Variants in LNPEP observed in about 807,000 individuals in gnomAD.
The protein encoded by LNPEP is leucyl-cystinyl aminopeptidase.
In LNPEP, 64 loss-of-function variants were observed where a neutral mutation model predicts 120.6. The ratio of observed to expected loss-of-function variants is 0.53; its 90% CI spans 0.43 to 0.65. The LOEUF is 0.65. LNPEP is among the 30% of genes least tolerant of loss of function. The probability of loss-of-function intolerance (pLI) is 0.00; values close to 1 mark genes in which losing one functional copy is unlikely to be tolerated. For missense variants in LNPEP, 1,057 were observed against 1,200.0 expected (o/e 0.88, Z 1.76); for synonymous variants, 435 against 425.4 (o/e 1.02, Z -0.28).
intron 1 of LNPEP, chr5:96,937,890 A>G (rs749850807): frequency 7.9e-5 from 12 of 152,254 alleles, no homozygotes; most frequent in Non-Finnish European, 1.2e-4. Flanking sequence ...AAAAAGAAGC[A>G]ATGCTTCAAC....
chr5:97,033,878 T>C lies in LNPEP; in HGVS notation c.*5345T>C, dbSNP rs1292165940. 1.3e-5 allele frequency: 2 copies of C among 152,224 alleles called. No individual in the cohort carries two copies. The highest frequency in any genetic ancestry group is 2.9e-5 in the Non-Finnish European group (2 of 68,040). The allele number at this position is 152,224 out of a possible 1,614,324, so 9.4% of individuals were successfully genotyped here. On this transcript the variant is annotated 3_prime_UTR_variant, in exon 18 of 18. Transcript: ENST00000231368. ...ATGGAGTTATGGATGTATAACAATC[T>C]GTTCTCCCTTTACCCTTTTAATGTA...
chr5:96,966,324 C>T (rs1789721475), intron 1 of LNPEP, among the ~76,000 whole-genome samples: 1 of 151,844 alleles, frequency 6.6e-6, no homozygotes, highest in South Asian at 2.1e-4. Flanking sequence ...TAGTGAGACC[C>T]TATCTCTACA....
Position 97,006,497 on chromosome 5 carries a change from T to C in LNPEP, c.2017T>C (p.Leu673=), listed in dbSNP as rs1171829030. Residue 673 remains leucine (L), a synonymous_variant, in exon 11 of 18, where the codon TTA becomes CTA. Coordinates refer to ENST00000231368, the MANE Select transcript of LNPEP (RefSeq NM_005575.3). ...RNYSKYQSVS[L]LDKKSGVINL... is the part of the protein sequence containing the mutation. ...TTATTCAAAATATCAATCGGTATCA[T>C]TACTGGATAAGAAATCAGGTTTGAC... 3 of 1,543,606 alleles carry C rather than the reference T, an allele frequency of 1.9e-6. No individual in the cohort carries two copies. The highest frequency in any genetic ancestry group is 1.8e-6 in the Non-Finnish European group (2 of 1,116,800).
Position 97,006,531 on chromosome 5 carries a change from C to G in LNPEP, c.2035+16C>G. ...AAGAAATCAGGTTTGACTATAATGA[C>G]AGTTCTGATTGGAAATGGCATAATT... On this transcript the variant is annotated intron_variant, in intron 11 of 17. Coordinates refer to ENST00000231368, the MANE Select transcript of LNPEP (RefSeq NM_005575.3). 1.6e-6 allele frequency: 2 copies of G among 1,286,696 alleles called. No homozygotes were observed. The highest frequency in any genetic ancestry group is 2.4e-5 in the South Asian group (2 of 82,870). 79.7% of individuals were successfully genotyped at this position (1,286,696 alleles called of 1,614,324 possible). A position where few individuals can be genotyped will look rare whatever the true frequency, so the allele number is the denominator to read the frequency against.
Position 96,979,733 on chromosome 5 carries a change from G to C in LNPEP, c.615G>C (p.Trp205Cys), listed in dbSNP as rs947927690. The part of the protein sequence containing the change: ...TISVQALQVT[W>C]NIILHSTGHN... ...CAGTTCAGGCTCTTCAGGTCACATGGAATATCATTCTTCATAGCACAGGTC... is the reference window on the plus strand; with the variant it reads ...CAGTTCAGGCTCTTCAGGTCACATGCAATATCATTCTTCATAGCACAGGTC... Residue 205 changes from tryptophan to cysteine, a missense_variant, in exon 2 of 18, where the codon TGG becomes TGC. Transcript: ENST00000231368. 6.8e-6 allele frequency: 11 copies of C among 1,613,992 alleles called. No homozygotes were observed. Among genetic ancestry groups the C allele is most frequent in the Middle Eastern group, 1.7e-4 (1 of 6,058 alleles).
chr5:96,938,261 G>T (rs184165996), intron 1 of LNPEP, among the ~76,000 whole-genome samples: 16 of 152,308 alleles, frequency 1.1e-4, no homozygotes, highest in African/African-American at 3.9e-4. Context: ...TGGGTGTGAT[G>T]ATGCAGAGTA....
chr5:97,003,261 T>A (rs530048001), intron 8 of LNPEP, among the ~76,000 whole-genome samples, 154 bp from the exon 9 acceptor site: 1 of 152,310 alleles, frequency 6.6e-6, no homozygotes, highest in Non-Finnish European at 1.5e-5. Context: ...ACAGTCCACA[T>A]CTATATGAGA....
At chr5:97,017,874 G>A (rs1321710275) in intron 13 of LNPEP, among the ~76,000 whole-genome samples, 1 of 152,136 alleles carries the variant, frequency 6.6e-6, no homozygotes, top group Non-Finnish European at 1.5e-5. Flanking sequence ...GGAAGAATCT[G>A]TTCCATTCCC....
rs1175957062 is a variant in LNPEP, at chr5:96,979,971, G to A, written c.853G>A (p.Glu285Lys). Reference sequence around the variant, plus strand: ...CTTCTCCTACACAGATGAAAGTAATGAGAAAAAGTAGGTAGCCCTCTTAAA... The same window carrying A: ...CTTCTCCTACACAGATGAAAGTAATAAGAAAAAGTAGGTAGCCCTCTTAAA... ...YGFSYTDESN[E>K]KKYFAATQFE... Residue 285 changes from glutamate to lysine, a missense_variant, in exon 2 of 18, where the codon GAG becomes AAG. Transcript: ENST00000231368. 1 of 1,578,816 alleles carries A rather than the reference G, an allele frequency of 6.3e-7. No homozygotes were observed. The highest frequency in any genetic ancestry group is 1.4e-5 in the African/African-American group (1 of 73,340).
intron 7 of LNPEP, among the ~76,000 whole-genome samples, chr5:96,996,943 T>G (rs1790529697): frequency 6.6e-6 from 1 of 152,132 alleles, no homozygotes; most frequent in African/African-American, 2.4e-5. Flanking sequence ...TATCACTGTG[T>G]ACATTCTTGT....
At chr5:96,974,763 C>T (rs1789948371) in intron 1 of LNPEP, among the ~76,000 whole-genome samples, 2 of 152,098 alleles carry the variant, frequency 1.3e-5, no homozygotes, top group South Asian at 2.1e-4. Flanking sequence ...ATGTAAGGGT[C>T]TCTCTAGGCC....
intron 1 of LNPEP, among the ~76,000 whole-genome samples, chr5:96,950,962 A>T (rs375209874): frequency 6.6e-6 from 1 of 152,156 alleles, no homozygotes; most frequent in Non-Finnish European, 1.5e-5. Flanking sequence ...TCGACAACAG[A>T]TATTTATTTA....
rs1181863887 is a variant in LNPEP, at chr5:97,033,393, A to G, written c.*4860A>G. 6.6e-6 allele frequency: 1 copy of G among 152,208 alleles called. No individual in the cohort carries two copies. Among genetic ancestry groups the G allele is most frequent in the Non-Finnish European group, 1.5e-5 (1 of 68,020 alleles). 9.4% of individuals were successfully genotyped at this position (152,208 alleles called of 1,614,324 possible). ...CGGGTGCCCAGACTGAAAGGTACCTAATGAACCATGGAGTTCCGGATGTAT... is the reference window on the plus strand; with the variant it reads ...CGGGTGCCCAGACTGAAAGGTACCTGATGAACCATGGAGTTCCGGATGTAT... On this transcript the variant is annotated 3_prime_UTR_variant, in exon 18 of 18. Coordinates refer to ENST00000231368, the MANE Select transcript of LNPEP (RefSeq NM_005575.3).
At chr5:96,966,279 A>G (rs115006679) in intron 1 of LNPEP, among the ~76,000 whole-genome samples, 5,707 of 152,098 alleles carry the variant, frequency 0.038, 185 homozygotes, top group Middle Eastern at 0.11. Flanking sequence ...GGAGGATTGC[A>G]TGAGACGAGG....
intron 11 of LNPEP, among the ~76,000 whole-genome samples, chr5:97,011,977 A>G (rs906319253): frequency 2.0e-5 from 3 of 152,230 alleles, no homozygotes; most frequent in African/African-American, 7.2e-5. Context: ...TTCAGGTACT[A>G]ATATATAATC....
intron 11 of LNPEP, chr5:97,010,586 T>G: frequency 1.6e-5 from 16 of 985,324 alleles, no homozygotes; most frequent in Non-Finnish European, 1.9e-5. Flanking sequence ...TTTTTTAGTT[T>G]CAGAACTTTA....
At chr5:97,020,763 C>A (rs1340146492) in intron 13 of LNPEP, among the ~76,000 whole-genome samples, 1 of 152,112 alleles carries the variant, frequency 6.6e-6, no homozygotes, top group Non-Finnish European at 1.5e-5. Flanking sequence ...GATCGCACCA[C>A]TGCATTCCAG....
chr5:97,004,156 A>G (rs957882570), intron 9 of LNPEP, among the ~76,000 whole-genome samples: 5 of 152,246 alleles, frequency 3.3e-5, no homozygotes, highest in African/African-American at 1.2e-4. Context: ...TACTGACTGC[A>G]AAACCCTTAT....
In LNPEP at chr5:96,962,959, G is replaced by C. The variant is rs139037876; in HGVS notation, c.20-16179G>C. Among the ~76,000 whole-genome samples, 6 of 152,214 alleles carry C rather than the reference G, an allele frequency of 3.9e-5. No individual in the cohort carries two copies. In the East Asian group the frequency reaches 1.2e-3, roughly 29 times the overall value. The stretch of plus-strand genomic sequence containing the variant: ...CAGGCAGAGCTTCCTATGAAGTCAC[G>C]TACAACAAGGCCTTTGGGCTTAAGA... On this transcript the variant is annotated intron_variant, in intron 1 of 17. Coordinates refer to ENST00000231368, the MANE Select transcript of LNPEP (RefSeq NM_005575.3).
Sources: gnomAD v4.1 joint callset for allele counts (sites outside exome capture counted in the v4.1 genomes callset) on GRCh38, gnomAD v4.1.1 for gene constraint, MANE v1.5 for transcripts, NCBI Gene and HGNC (gene_info 2026-07-23, HGNC 2026-07-21) for gene names.